MYO18B: variants seen among roughly 807,000 people sequenced by gnomAD.
The protein encoded by MYO18B is myosin XVIIIB.
Under a neutral mutation model 273.0 loss-of-function variants are expected in MYO18B, and 204 were observed. The observed-to-expected ratio is 0.75, with a 90% CI of 0.67 to 0.84. The LOEUF is 0.84. Among genes scored for constraint, MYO18B ranks in the 40% least tolerant of loss-of-function variants. The pLI is 0.00. For synonymous variants in MYO18B, 1,330 were observed against 1,305.7 expected, an observed-to-expected ratio of 1.02 and a Z score of -0.40; for missense variants, 3,212 against 3,287.6, an observed-to-expected ratio of 0.98 and a Z score of 0.56.
At chr22:26,012,707 A>G (rs1935006662) in intron 42 of MYO18B, among the ~76,000 whole-genome samples, 1 of 152,184 alleles carries the variant, frequency 6.6e-6, no homozygotes, top group Non-Finnish European at 1.5e-5. Flanking sequence ...GACCTTTTAG[A>G]AAATTTGAGG....
chr22:25,797,824 G>A, intron 11 of MYO18B, 129 bp from the exon 12 acceptor site: 1 of 1,311,802 alleles, frequency 7.6e-7, no homozygotes, highest in Non-Finnish European at 1.1e-6. Flanking sequence ...CAGCTTAATT[G>A]TGGGTAATTT....
downstream of MYO18B, among the ~76,000 whole-genome samples, chr22:26,032,978 T>A (rs946007729): frequency 2.0e-5 from 3 of 152,210 alleles, no homozygotes; most frequent in Non-Finnish European, 4.4e-5. Context: ...TCATACAGAA[T>A]AATTTTCATA....
chr22:25,964,298 G>A (rs1039586004), intron 39 of MYO18B: 1 of 152,252 alleles, frequency 6.6e-6, no homozygotes, highest in South Asian at 2.1e-4. Flanking sequence ...GAGCCTCACC[G>A]TTGGAGGTAA....
chr22:25,986,301 G>A (rs1275727429), intron 39 of MYO18B, among the ~76,000 whole-genome samples: 1 of 152,182 alleles, frequency 6.6e-6, no homozygotes, highest in African/African-American at 2.4e-5. Context: ...TATAGCATCA[G>A]AGAGGAATAA....
intron 25 of MYO18B, among the ~76,000 whole-genome samples, chr22:25,882,086 G>A (rs2091352950): frequency 1.3e-5 from 2 of 152,104 alleles, no homozygotes; most frequent in South Asian, 2.1e-4. Context: ...GGTGGGTTAG[G>A]GCCCTACTCT....
chr22:25,779,567 C>T (rs1276982977), intron 8 of MYO18B, among the ~76,000 whole-genome samples: 1 of 152,180 alleles, frequency 6.6e-6, no homozygotes, highest in African/African-American at 2.4e-5. Context: ...TCGCATGTGT[C>T]TGAGGGTGGA....
At chr22:25,787,408 A>G (rs931255899) in intron 11 of MYO18B, among the ~76,000 whole-genome samples, 6 of 152,044 alleles carry the variant, frequency 3.9e-5, no homozygotes, top group South Asian at 2.1e-4. Flanking sequence ...GTTCACAGCA[A>G]TGCTGATGCT....
chr22:25,756,992 T>A (rs2086143199), intron 1 of MYO18B, among the ~76,000 whole-genome samples: 1 of 152,076 alleles, frequency 6.6e-6, no homozygotes, highest in Non-Finnish European at 1.5e-5. Flanking sequence ...ACCCAGGAGA[T>A]GGAGGTTGCA....
chr22:25,795,522 G>A (rs2145744720), intron 11 of MYO18B, among the ~76,000 whole-genome samples: 1 of 152,266 alleles, frequency 6.6e-6, no homozygotes, highest in African/African-American at 2.4e-5. Flanking sequence ...ATGCTCATAG[G>A]CCACAGTGGG....
chr22:25,763,732 C>A (rs2086409351), intron 3 of MYO18B, among the ~76,000 whole-genome samples: 1 of 152,196 alleles, frequency 6.6e-6, no homozygotes, highest in Non-Finnish European at 1.5e-5. Flanking sequence ...TCATTCAATT[C>A]TGTATCTTAA....
At chr22:25,955,589 C>T (rs1012712157) in intron 39 of MYO18B, among the ~76,000 whole-genome samples, 1 of 152,182 alleles carries the variant, frequency 6.6e-6, no homozygotes, top group Non-Finnish European at 1.5e-5. Flanking sequence ...ACATTCACTG[C>T]TGCCGGATGG....
chr22:25,950,518 ATGTGTGTGTGTGTG>A (rs59002655), intron 37 of MYO18B, 68 bp downstream of exon 37: 11 of 606,300 alleles, frequency 1.8e-5, no homozygotes, highest in African/African-American at 1.4e-4. Flanking sequence ...AACTAATAGG[ATGTGTGTGTGTGTG>A]TGTGTGTGTG....
At chr22:26,003,344 A>G (rs1057437041) in intron 41 of MYO18B, 35 bp downstream of exon 41, 5 of 1,578,544 alleles carry the variant, frequency 3.2e-6, no homozygotes, top group African/African-American at 2.7e-5. Flanking sequence ...AGCAGCTCAC[A>G]AGGGTGAGCC....
Position 26,026,758 on chromosome 22 carries a change from G to A in MYO18B, c.6784G>A (p.Ala2262Thr), listed in dbSNP as rs867689513. ...CGTGGAAGGGCTCCGGAGGAAGAGA[G>A]CCCAGAGAGGCCAGGGGTCCACGCT... ...EFVEGLRRKR[A>T]QRGQGSTLGL... Residue 2262 changes from alanine to threonine, a missense_variant, in exon 43 of 44, where the codon GCC becomes ACC. Transcript: ENST00000335473. 1.2e-6 allele frequency: 2 copies of A among 1,611,508 alleles called. No individual in the cohort carries two copies. The highest frequency in any genetic ancestry group is 3.3e-4 in the Middle Eastern group (2 of 6,058).
At chr22:26,038,096 G>T in the MYO18B span, among the ~76,000 whole-genome samples, 1 of 152,200 alleles carries the variant, frequency 6.6e-6, no homozygotes, top group Non-Finnish European at 1.5e-5. Context: ...ACAGTAATTT[G>T]GAAGCAGACT....
intron 12 of MYO18B, among the ~76,000 whole-genome samples, chr22:25,811,394 A>G (rs1202710865): frequency 1.3e-5 from 2 of 152,134 alleles, no homozygotes; most frequent in Admixed American, 1.3e-4. Flanking sequence ...ATAACATTCC[A>G]TGAAACCTTT....
chr22:25,896,526 CTT>C (rs1182635523), intron 28 of MYO18B: 2 of 152,166 alleles, frequency 1.3e-5, no homozygotes, highest in African/African-American at 4.8e-5. Flanking sequence ...ACTGTTAGGG[CTT>C]TGTGTCCTCT....
At chr22:26,054,484 CTG>C in the MYO18B span, among the ~76,000 whole-genome samples, 13 of 152,334 alleles carry the variant, frequency 8.5e-5, no homozygotes, top group African/African-American at 3.1e-4. Context: ...GAGCTCTCCT[CTG>C]TGAACGAGAA....
At chr22:25,851,709 G>A in intron 21 of MYO18B, 130 bp downstream of exon 21, 2 of 710,386 alleles carry the variant, frequency 2.8e-6, no homozygotes, top group Non-Finnish European at 4.9e-6. Context: ...ACCCAGGTGG[G>A]TGGATCACTT....
Sources: gnomAD v4.1 joint callset for allele counts (sites outside exome capture counted in the v4.1 genomes callset) on GRCh38, gnomAD v4.1.1 for gene constraint, MANE v1.5 for transcripts, NCBI Gene and HGNC (gene_info 2026-07-23, HGNC 2026-07-21) for gene names.